The following MSH3 variants were observed in gnomAD, a reference collection of about 807,000 sequenced individuals.
MSH3 encodes DNA mismatch repair protein Msh3.
MSH3 carries 106 observed loss-of-function variants against 123.3 expected under a neutral mutation model. The ratio of observed to expected loss-of-function variants is 0.86; its 90% CI spans 0.73 to 1.01. The LOEUF (loss-of-function observed/expected upper bound fraction) is 1.01. MSH3 is among the 50% of genes least tolerant of loss of function. The pLI is 0.00. For missense variants in MSH3, 1,459 were observed against 1,347.6 expected, an observed-to-expected ratio of 1.08 and a Z score of -1.29; for synonymous variants, 515 against 481.4, an observed-to-expected ratio of 1.07 and a Z score of -0.91.
intron 8 of MSH3, among the ~76,000 whole-genome samples, chr5:80,683,380 T>A (rs751582805): frequency 6.6e-6 from 1 of 152,208 alleles, no homozygotes; most frequent in Non-Finnish European, 1.5e-5. Flanking sequence ...TATTATTGCA[T>A]GTCTTTGGAT....
At chr5:80,852,157 C>T (rs990617630) in intron 20 of MSH3, among the ~76,000 whole-genome samples, 1 of 152,170 alleles carries the variant, frequency 6.6e-6, no homozygotes, top group African/African-American at 2.4e-5. Flanking sequence ...GAGACCTTGA[C>T]TCTACAAAAA....
intron 8 of MSH3, among the ~76,000 whole-genome samples, chr5:80,696,084 G>A (rs1403051216): frequency 1.3e-5 from 2 of 152,150 alleles, no homozygotes; most frequent in African/African-American, 2.4e-5. Flanking sequence ...CTGGGTCCCT[G>A]GAGGAGTTCC....
chr5:80,692,843 A>G (rs1412639241), intron 8 of MSH3, among the ~76,000 whole-genome samples: 1 of 121,990 alleles, frequency 8.2e-6, no homozygotes, highest in African/African-American at 3.0e-5. Flanking sequence ...ATATGTTTAG[A>G]TAAATATACA....
chr5:80,839,236 C>T (rs540855667), intron 20 of MSH3, among the ~76,000 whole-genome samples: 46 of 151,958 alleles, frequency 3.0e-4, no homozygotes, highest in Admixed American at 2.3e-3. Flanking sequence ...GGTGTGGTGG[C>T]GTGCACCTAT....
chr5:80,813,466 G>C, intron 19 of MSH3, 118 bp from the exon 20 acceptor site: 1 of 1,060,030 alleles, frequency 9.4e-7, no homozygotes. Context: ...CTTTCCTTTT[G>C]TGATATTTAT....
chr5:80,695,890 G>C (rs1248067368), intron 8 of MSH3, among the ~76,000 whole-genome samples: 1 of 152,160 alleles, frequency 6.6e-6, no homozygotes, highest in Non-Finnish European at 1.5e-5. Flanking sequence ...GTTGGAACCA[G>C]TGCTTTTTTG....
intron 8 of MSH3, among the ~76,000 whole-genome samples, chr5:80,704,295 A>G (rs991063554): frequency 6.6e-6 from 1 of 152,216 alleles, no homozygotes. Context: ...TGAAAGTACA[A>G]TTCCAGAGTT....
chr5:80,734,443 T>C (rs1022712174), intron 10 of MSH3, among the ~76,000 whole-genome samples: 5 of 152,214 alleles, frequency 3.3e-5, no homozygotes, highest in African/African-American at 1.2e-4. Context: ...GTGAATTGCA[T>C]AGTGTGTGAA....
At chr5:80,822,575 C>T (rs1049666617) in intron 20 of MSH3, among the ~76,000 whole-genome samples, 1 of 152,230 alleles carries the variant, frequency 6.6e-6, no homozygotes, top group Non-Finnish European at 1.5e-5. Context: ...ATACCGACTT[C>T]ACAAGGTTGA....
chr5:80,825,659 G>A (rs1022509401), intron 20 of MSH3, among the ~76,000 whole-genome samples: 2 of 152,160 alleles, frequency 1.3e-5, no homozygotes, highest in African/African-American at 4.8e-5. Flanking sequence ...CAAGGAGGCT[G>A]TACCAGCTTA....
intron 8 of MSH3, among the ~76,000 whole-genome samples, chr5:80,723,651 A>T (rs1355008852): frequency 1.3e-5 from 2 of 152,248 alleles, no homozygotes; most frequent in Non-Finnish European, 1.5e-5. Context: ...TATGGTTATG[A>T]TAAAGTACCA....
Position 80,692,549 on chromosome 5 carries a change from TAGAG to T in MSH3, c.1340+13460_1340+13463del, listed in dbSNP as rs1375282328. 6.6e-3 allele frequency among the ~76,000 whole-genome samples: 507 copies of T among 76,452 alleles called. 19 individuals carry two copies. The highest frequency in any genetic ancestry group is 0.016 in the Admixed American group (132 of 8,390). The allele number at this position is 76,452 out of a possible 152,430, so 50.2% of individuals were successfully genotyped here. A position where few individuals can be genotyped will look rare whatever the true frequency, so the allele number is the denominator to read the frequency against. ...ATAGATAAACATGTATATGTTTATA[TAGAG>T]AGATAAACATGTATATGTTTATATA... is the stretch of plus-strand genomic sequence containing the variant. On this transcript the variant is annotated intron_variant, in intron 8 of 23. Coordinates refer to ENST00000265081, the MANE Select transcript of MSH3 (RefSeq NM_002439.5).
At chr5:80,706,026 A>G (rs1040693943) in intron 8 of MSH3, among the ~76,000 whole-genome samples, 4 of 152,202 alleles carry the variant, frequency 2.6e-5, no homozygotes, top group African/African-American at 9.7e-5. Flanking sequence ...TGCCTGTGGT[A>G]GTTGCACAGT....
intron 8 of MSH3, among the ~76,000 whole-genome samples, chr5:80,685,969 C>T (rs1184977411): frequency 6.6e-6 from 1 of 152,028 alleles, no homozygotes; most frequent in Non-Finnish European, 1.5e-5. Context: ...CAAAATTATT[C>T]TTGTTTTCGA....
At chr5:80,836,565 A>AAAAAAAC (rs1745518626) in intron 20 of MSH3, among the ~76,000 whole-genome samples, 1 of 114,180 alleles carries the variant, frequency 8.8e-6, no homozygotes, top group Non-Finnish European at 1.9e-5. Context: ...AAAAAAAAAA[A>AAAAAAAC]AGCTCTGAAT....
chr5:80,800,788 G>A (rs558221569), intron 19 of MSH3, among the ~76,000 whole-genome samples: 69 of 152,300 alleles, frequency 4.5e-4, no homozygotes, highest in African/African-American at 1.6e-3. Flanking sequence ...TGAACTAGAA[G>A]ACACAATTCC....
intron 8 of MSH3, among the ~76,000 whole-genome samples, chr5:80,686,332 T>TCAAAAACATAATATGTTAAAGCTGTG (rs1293901318): frequency 6.6e-6 from 1 of 152,084 alleles, no homozygotes; most frequent in South Asian, 2.1e-4. Flanking sequence ...AGACAGAGTC[T>TCAAAAACATAATATGTTAAAGCTGTG]TGCTCTGTCA....
chr5:80,788,868 A>G (rs1437034402), intron 18 of MSH3, among the ~76,000 whole-genome samples: 3 of 152,198 alleles, frequency 2.0e-5, no homozygotes, highest in Non-Finnish European at 2.9e-5. Context: ...TTCAAGTTCA[A>G]ATGTTTTATT....
chr5:80,715,877 G>A (rs1483381727), intron 8 of MSH3, among the ~76,000 whole-genome samples: 1 of 152,068 alleles, frequency 6.6e-6, no homozygotes, highest in Non-Finnish European at 1.5e-5. Context: ...CCAGCACTGG[G>A]GATTACAATT....
Sources: allele counts gnomAD v4.1 joint callset (sites outside exome capture counted in the v4.1 genomes callset), GRCh38; gene constraint gnomAD v4.1.1; transcripts MANE v1.5; gene names NCBI Gene and HGNC (gene_info 2026-07-23, HGNC 2026-07-21).